Variants in PYHIN1 observed in about 807,000 individuals in gnomAD.
PYHIN1 encodes the protein pyrin and HIN domain-containing protein 1.
A neutral mutation model predicts 43.7 loss-of-function variants in PYHIN1; 32 were observed. The observed-to-expected ratio is 0.73, with a 90% CI of 0.55 to 0.98. The LOEUF is 0.98. Ranked by LOEUF, PYHIN1 falls within the 50% of genes least tolerant of loss-of-function variation. The pLI, the probability that PYHIN1 is intolerant of heterozygous loss-of-function variation, is 0.00. For missense variants in PYHIN1, 588 were observed against 589.5 expected, an observed-to-expected ratio of 1.00 and a Z score of 0.03; for synonymous variants, 205 against 203.1, an observed-to-expected ratio of 1.01 and a Z score of -0.08.
At chr1:158,989,256 G>A in the PYHIN1 span, among the ~76,000 whole-genome samples, 1 of 152,152 alleles carries the variant, frequency 6.6e-6, no homozygotes, top group Admixed American at 6.5e-5. Context: ...TTTGGACTTA[G>A]TTAATTTTAA....
intron 4 of PYHIN1, among the ~76,000 whole-genome samples, chr1:158,940,460 A>G (rs1209123206): frequency 6.6e-6 from 1 of 152,162 alleles, no homozygotes; most frequent in Non-Finnish European, 1.5e-5. Flanking sequence ...GAAAGAAAGT[A>G]AATTACAATT....
At chr1:158,953,526 C>T (rs536419734) in intron 7 of PYHIN1, among the ~76,000 whole-genome samples, 2 of 150,854 alleles carry the variant, frequency 1.3e-5, no homozygotes, top group Non-Finnish European at 3.0e-5. Flanking sequence ...TCCAACAGAC[C>T]TGCAGCTGAG....
At chr1:158,987,044 A>C in the PYHIN1 span, among the ~76,000 whole-genome samples, 1 of 152,188 alleles carries the variant, frequency 6.6e-6, no homozygotes, top group Non-Finnish European at 1.5e-5. Context: ...TAAGGGTTAC[A>C]ATTTCTCAAC....
Position 158,942,197 on chromosome 1 carries a change from G to A in PYHIN1, c.800G>A (p.Arg267Lys), listed in dbSNP as rs769856370. ...INLKRKFIKK[R>K]IIIISNYSKR... ...TTGAAGAGGAAATTCATTAAAAAGA[G>A]AATCATCATTATATCAAATTATTCC... is the stretch of plus-strand genomic sequence containing the variant. Residue 267 changes from arginine (R) to lysine (K), a missense_variant, in exon 5 of 9, where the codon AGA becomes AAA. Arg to Lys is a conservative substitution (Grantham distance 26, BLOSUM62 2). Coordinates refer to ENST00000368140, the MANE Select transcript of PYHIN1 (RefSeq NM_152501.5). The A allele has an allele frequency of 8.1e-5, 131 of 1,613,830 alleles. No homozygotes were observed. Among genetic ancestry groups the A allele is most frequent in the Non-Finnish European group, 1.0e-4 (122 of 1,179,908 alleles).
At chr1:158,945,897 T>A (rs1196032654) in intron 7 of PYHIN1, among the ~76,000 whole-genome samples, 1 of 152,082 alleles carries the variant, frequency 6.6e-6, no homozygotes, top group East Asian at 1.9e-4. Context: ...CTACTTTCTG[T>A]CCCAATTGAC....
chr1:158,966,043 A>G (rs538638039), intron 7 of PYHIN1, among the ~76,000 whole-genome samples: 1 of 152,232 alleles, frequency 6.6e-6, no homozygotes, highest in South Asian at 2.1e-4. Context: ...GACCAAGGGA[A>G]ATTACCACTG....
rs1045769603 is a variant in PYHIN1 at position 158,937,038 on chromosome 1, A to G, written c.128A>G (p.Tyr43Cys). The G allele has an allele frequency of 1.9e-6, 3 of 1,614,224 alleles. No individual in the cohort carries two copies. Among genetic ancestry groups the G allele is most frequent in the South Asian group, 2.2e-5 (2 of 91,088 alleles). ...LKLNPKMKEE[Y>C]DKIQIADLME... Reference sequence around the variant, plus strand: ...CTTAATCCAAAAATGAAAGAAGAGTATGACAAAATTCAGATTGCTGACTTG... The same window carrying G: ...CTTAATCCAAAAATGAAAGAAGAGTGTGACAAAATTCAGATTGCTGACTTG... The change falls in exon 2 of 9, where the codon TAT becomes TGT. Residue 43 changes from tyrosine (Y) to cysteine (C), a missense_variant. Transcript: ENST00000368140.
At chr1:158,956,971 G>A (rs1349680251) in intron 7 of PYHIN1, among the ~76,000 whole-genome samples, 2 of 138,780 alleles carry the variant, frequency 1.4e-5, no homozygotes, top group African/African-American at 5.4e-5. Flanking sequence ...CAGACAAACA[G>A]AGAGCCAAAT....
chr1:158,961,877 C>T (rs1650340217), intron 7 of PYHIN1, among the ~76,000 whole-genome samples: 1 of 152,084 alleles, frequency 6.6e-6, no homozygotes, highest in Non-Finnish European at 1.5e-5. Flanking sequence ...CCTCACAGGC[C>T]TTCAGAAAAG....
intron 7 of PYHIN1, among the ~76,000 whole-genome samples, chr1:158,970,390 A>T (rs1043588364): frequency 6.6e-6 from 1 of 151,964 alleles, no homozygotes; most frequent in African/African-American, 2.4e-5. Context: ...TCACCTGAAT[A>T]GTGTATGTTG....
chr1:158,963,488 C>T (rs564569137), intron 7 of PYHIN1, among the ~76,000 whole-genome samples: 204 of 152,232 alleles, frequency 1.3e-3, no homozygotes, highest in Middle Eastern at 3.4e-3. Context: ...GAGCTCATCC[C>T]AGAGCTGCAG....
Position 158,976,799 on chromosome 1 carries a change from G to T in PYHIN1, c.*104G>T. On this transcript the variant is annotated 3_prime_UTR_variant, in exon 9 of 9. Coordinates refer to ENST00000368140, the MANE Select transcript of PYHIN1 (RefSeq NM_152501.5). The stretch of plus-strand genomic sequence containing the variant: ...TCCACCTAAAAACCTGATGCCATTG[G>T]TAATGATGTTTATGAAGATAAGATC... 1 of 1,022,560 alleles carries T rather than the reference G, an allele frequency of 9.8e-7. No homozygotes were observed. The allele number at this position is 1,022,560 out of a possible 1,614,324, so 63.3% of individuals were successfully genotyped here. A position where few individuals can be genotyped will look rare whatever the true frequency, so the allele number is the denominator to read the frequency against.
chr1:158,979,798 G>C (rs779950702), downstream of PYHIN1, among the ~76,000 whole-genome samples: 3 of 152,048 alleles, frequency 2.0e-5, no homozygotes, highest in Non-Finnish European at 4.4e-5. Flanking sequence ...ATTACATGTT[G>C]CTGGGATTGG....
rs1014404997 is a variant in PYHIN1 at position 158,933,550 on chromosome 1, A to C, written c.-21+1774A>C. Among the ~76,000 whole-genome samples, 15 of 152,146 alleles carry C rather than the reference A, an allele frequency of 9.9e-5. No individual in the cohort carries two copies. In the Middle Eastern group the frequency reaches 0.01, roughly 104 times the overall value. On this transcript the variant is annotated intron_variant, in intron 1 of 8. Transcript: ENST00000368140. The surrounding 1 kb of genome is among the most constrained non-coding windows in gnomAD (Gnocchi z 6.3). Reference sequence around the variant, plus strand: ...TTCAGTGATCTTTTACTGACAACATACATATAGAAATTTTAAATCAAATTT... The same window carrying C: ...TTCAGTGATCTTTTACTGACAACATCCATATAGAAATTTTAAATCAAATTT...
downstream of PYHIN1, among the ~76,000 whole-genome samples, chr1:158,981,127 C>A (rs929526273): frequency 6.6e-6 from 1 of 152,078 alleles, no homozygotes; most frequent in African/African-American, 2.4e-5. Context: ...ATGTTGTATA[C>A]GTACCACATT....
chr1:158,983,683 C>T, the PYHIN1 span, among the ~76,000 whole-genome samples: 2 of 152,094 alleles, frequency 1.3e-5, no homozygotes, highest in Non-Finnish European at 2.9e-5. Flanking sequence ...CTCCGCTCCT[C>T]AATATTTTGG....
At chr1:158,958,683 C>G (rs1448127054) in intron 7 of PYHIN1, among the ~76,000 whole-genome samples, 4 of 149,678 alleles carry the variant, frequency 2.7e-5, no homozygotes, top group African/African-American at 7.4e-5. Flanking sequence ...GTGCAATGCA[C>G]CAGCATGGCA....
In PYHIN1 at chr1:158,931,704, CA is replaced by C. The variant is rs1648172213; in HGVS notation, c.-89del. ...AGCTTTACTGACTGATTTCCCTATT[CA>C]AAACAATCCTCATTTCCTACATTTC... On this transcript the variant is annotated 5_prime_UTR_variant, in exon 1 of 9. Coordinates refer to ENST00000368140, the MANE Select transcript of PYHIN1 (RefSeq NM_152501.5). 6.6e-6 allele frequency: 1 copy of C among 152,196 alleles called. No individual in the cohort carries two copies. The highest frequency in any genetic ancestry group is 2.4e-5 in the African/African-American group (1 of 41,446). 9.4% of individuals were successfully genotyped at this position (152,196 alleles called of 1,614,324 possible).
At chr1:158,948,989 G>C (rs1212631956) in intron 7 of PYHIN1, among the ~76,000 whole-genome samples, 5 of 152,180 alleles carry the variant, frequency 3.3e-5, no homozygotes, top group Non-Finnish European at 7.3e-5. Flanking sequence ...CATATGGATG[G>C]GGAGTGCAAA....
Sources: gnomAD v4.1 joint callset for allele counts (sites outside exome capture counted in the v4.1 genomes callset) on GRCh38, gnomAD v4.1.1 for gene constraint, Gnocchi (gnomAD v3.1) non-coding constraint, MANE v1.5 for transcripts, NCBI Gene and HGNC (gene_info 2026-07-23, HGNC 2026-07-21) for gene names.